Variants in CTNND2 observed in about 807,000 individuals in gnomAD.
The protein encoded by CTNND2 is catenin delta 2, also known as catenin delta-2.
A neutral mutation model predicts 144.4 loss-of-function variants in CTNND2; 22 were observed. That is an observed-to-expected ratio of 0.15 (90% CI 0.11 to 0.22). The LOEUF is 0.22. Ranked by LOEUF, CTNND2 falls within the 10% of genes least tolerant of loss-of-function variation. CTNND2 has a pLI of 1.00. For missense variants in CTNND2, 1,353 were observed against 1,618.8 expected (o/e 0.84, Z 2.82); for synonymous variants, 751 against 695.6 (o/e 1.08, Z -1.25).
chr5:11,619,025 G>C (rs1329727325), intron 2 of CTNND2, among the ~76,000 whole-genome samples: 1 of 152,078 alleles, frequency 6.6e-6, no homozygotes, highest in African/African-American at 2.4e-5. Context: ...ATTTTTAAAA[G>C]TTATTATGTT....
At chr5:11,623,471 G>A (rs984375944) in intron 2 of CTNND2, among the ~76,000 whole-genome samples, 1 of 151,830 alleles carries the variant, frequency 6.6e-6, no homozygotes, top group Admixed American at 6.6e-5. Context: ...CTTGTGTCAT[G>A]ATTGTGAGAC....
intron 8 of CTNND2, among the ~76,000 whole-genome samples, chr5:11,359,486 T>C (rs1031736341): frequency 6.6e-6 from 1 of 152,162 alleles, no homozygotes; most frequent in Non-Finnish European, 1.5e-5. Flanking sequence ...TGATGGGTAC[T>C]CTCCGGGAGC....
chr5:11,200,064 AC>A (rs1299668783), intron 10 of CTNND2, among the ~76,000 whole-genome samples: 11 of 152,232 alleles, frequency 7.2e-5, no homozygotes, highest in Admixed American at 7.2e-4. Flanking sequence ...GGAATGATAC[AC>A]AAAATGTTAA....
At chr5:11,595,499 T>C (rs1779460599) in intron 2 of CTNND2, among the ~76,000 whole-genome samples, 2 of 152,238 alleles carry the variant, frequency 1.3e-5, no homozygotes, top group South Asian at 4.1e-4. Flanking sequence ...ACCTCTTATT[T>C]GAGACCTCAC....
intron 1 of CTNND2, among the ~76,000 whole-genome samples, chr5:11,799,030 G>A (rs964742154): frequency 5.3e-5 from 8 of 152,150 alleles, no homozygotes; most frequent in African/African-American, 1.9e-4. Flanking sequence ...ACTTGAGGCT[G>A]AATCCTGGTT....
intron 1 of CTNND2, among the ~76,000 whole-genome samples, chr5:11,858,561 C>T (rs1465813151): frequency 3.9e-5 from 6 of 152,206 alleles, no homozygotes; most frequent in Admixed American, 1.3e-4. Context: ...ATCATGGATG[C>T]ATATTCTTAG....
At chr5:11,810,009 A>G (rs1317116354) in intron 1 of CTNND2, among the ~76,000 whole-genome samples, 1 of 152,200 alleles carries the variant, frequency 6.6e-6, no homozygotes, top group Non-Finnish European at 1.5e-5. Context: ...AGAACCTGAC[A>G]ATACCTTACT....
At chr5:11,825,384 A>C (rs1793545438) in intron 1 of CTNND2, among the ~76,000 whole-genome samples, 1 of 152,220 alleles carries the variant, frequency 6.6e-6, no homozygotes, top group African/African-American at 2.4e-5. Context: ...GTGAATTTCA[A>C]GATAACTCAA....
chr5:11,245,390 G>A (rs529224510), intron 9 of CTNND2, among the ~76,000 whole-genome samples: 244 of 152,250 alleles, frequency 1.6e-3, no homozygotes, highest in Admixed American at 6.7e-3. Context: ...GATGATCCTC[G>A]GTTAGCCAGT....
rs528227882 is a variant in CTNND2, at chr5:11,311,860, C to G, written c.1628+34512G>C. Among the ~76,000 whole-genome samples the G allele has an allele frequency of 2.4e-4, 36 of 148,778 alleles. No homozygotes were observed. In the Middle Eastern group the frequency reaches 0.014, roughly 58 times the overall value. Reference sequence around the variant, plus strand: ...ACTCCCCATACACCCTCACCCCACACACTCCCCCTTCCCACTCACACACTC... The same window carrying G: ...ACTCCCCATACACCCTCACCCCACAGACTCCCCCTTCCCACTCACACACTC... On this transcript the variant is annotated intron_variant, in intron 9 of 21. Transcript: ENST00000304623.
In CTNND2 at chr5:11,048,289, C is replaced by A. The variant is rs190084140; in HGVS notation, c.2789-25310G>T. Among the ~76,000 whole-genome samples, 5 of 152,286 alleles carry A rather than the reference C, an allele frequency of 3.3e-5. No individual in the cohort carries two copies. The East Asian group carries it at 9.6e-4, about 29-fold the overall frequency. ...AACCATGGCAAACAGTCAGGTATCC[C>A]AAGGTAGTTTCTAAGACTGAAGCAT... is the stretch of plus-strand genomic sequence containing the variant. On this transcript the variant is annotated intron_variant, in intron 16 of 21. Transcript: ENST00000304623.
intron 1 of CTNND2, among the ~76,000 whole-genome samples, chr5:11,884,188 C>G (rs965787104): frequency 6.6e-6 from 1 of 152,038 alleles, no homozygotes; most frequent in African/African-American, 2.4e-5. Flanking sequence ...TAATTAGATC[C>G]CATTTGTCAA....
chr5:10,998,250 T>G (rs111620449), intron 18 of CTNND2, among the ~76,000 whole-genome samples: 1 of 151,974 alleles, frequency 6.6e-6, no homozygotes, highest in Non-Finnish European at 1.5e-5. Context: ...CGGAGTGTGG[T>G]GGGAGAAACG....
chr5:11,129,563 C>T (rs80175826), intron 12 of CTNND2, among the ~76,000 whole-genome samples: 33,171 of 150,612 alleles, frequency 0.22, 4,395 homozygotes, highest in Admixed American at 0.35. Flanking sequence ...TACAAGAATG[C>T]CACCAAATTT....
intron 9 of CTNND2, among the ~76,000 whole-genome samples, chr5:11,334,999 C>T (rs1266526118): frequency 6.6e-6 from 1 of 152,196 alleles, no homozygotes. Flanking sequence ...AGAGTATAGC[C>T]TGCTGAATTT....
Position 11,002,351 on chromosome 5 carries a change from G to A in CTNND2, c.3085-9674C>T, listed in dbSNP as rs1035310825. On this transcript the variant is annotated intron_variant, in intron 18 of 21. Transcript: ENST00000304623. ...ATGACCCATGTGTTCTGAGGCTCCCGCCTCCCTCTATGAAGGGACATCCTG... is the reference window on the plus strand; with the variant it reads ...ATGACCCATGTGTTCTGAGGCTCCCACCTCCCTCTATGAAGGGACATCCTG... Among the ~76,000 whole-genome samples the A allele has an allele frequency of 3.9e-5, 6 of 152,244 alleles. No homozygotes were observed. The East Asian group carries it at 5.8e-4, about 15-fold the overall frequency.
intron 8 of CTNND2, among the ~76,000 whole-genome samples, chr5:11,352,762 T>C (rs1755456946): frequency 6.6e-6 from 1 of 152,166 alleles, no homozygotes; most frequent in Non-Finnish European, 1.5e-5. Flanking sequence ...AAACAACAAA[T>C]GATTAACACA....
intron 2 of CTNND2, among the ~76,000 whole-genome samples, chr5:11,719,314 T>C (rs1262043892): frequency 6.6e-6 from 1 of 152,180 alleles, no homozygotes; most frequent in Non-Finnish European, 1.5e-5. Flanking sequence ...TTACTCTGTG[T>C]CATGGCAGAA....
chr5:11,757,342 T>A (rs1261748779), intron 1 of CTNND2, among the ~76,000 whole-genome samples: 8 of 151,794 alleles, frequency 5.3e-5, no homozygotes, highest in Non-Finnish European at 1.0e-4. Flanking sequence ...TATTGATGTA[T>A]CATTTTTAGT....
Sources: allele counts gnomAD v4.1 joint callset (sites outside exome capture counted in the v4.1 genomes callset), GRCh38; gene constraint gnomAD v4.1.1; transcripts MANE v1.5; gene names NCBI Gene and HGNC (gene_info 2026-07-23, HGNC 2026-07-21).